RIMBP2: variants seen among roughly 807,000 people sequenced by gnomAD.
RIMBP2 encodes the protein RIMS binding protein 2.
A neutral mutation model predicts 118.6 loss-of-function variants in RIMBP2; 48 were observed. That is an observed-to-expected ratio of 0.40 (90% CI 0.32 to 0.51). RIMBP2 has a LOEUF of 0.51. RIMBP2 is among the 20% of genes least tolerant of loss of function. The probability of loss-of-function intolerance (pLI) is 0.41; values close to 1 mark genes in which losing one functional copy is unlikely to be tolerated. For missense variants in RIMBP2, 1,551 were observed against 1,768.3 expected, an observed-to-expected ratio of 0.88 and a Z score of 2.20; for synonymous variants, 762 against 742.9, an observed-to-expected ratio of 1.03 and a Z score of -0.42.
At chr12:130,643,413 C>T (rs2141039024) in intron 1 of RIMBP2, among the ~76,000 whole-genome samples, 1 of 152,264 alleles carries the variant, frequency 6.6e-6, no homozygotes, top group South Asian at 2.1e-4. Context: ...AGGACCAGGA[C>T]CATGGAAGCA....
intron 2 of RIMBP2, among the ~76,000 whole-genome samples, chr12:130,568,224 G>C (rs1209787564): frequency 6.6e-6 from 1 of 152,210 alleles, no homozygotes; most frequent in South Asian, 2.1e-4. Flanking sequence ...AACCAACCTT[G>C]CAAGAGGGGA....
In RIMBP2 at chr12:130,523,938, C is replaced by G. The variant is rs141122771; in HGVS notation, c.-216-6021G>C. Among the ~76,000 whole-genome samples, 1 of 152,170 alleles carries G rather than the reference C, an allele frequency of 6.6e-6. No homozygotes were observed. The highest frequency in any genetic ancestry group is 2.1e-4 in the South Asian group (1 of 4,824). On this transcript the variant is annotated intron_variant, in intron 2 of 22. Coordinates refer to ENST00000690449, the MANE Select transcript of RIMBP2 (RefSeq NM_001393629.1). The surrounding 1 kb of genome is among the most constrained non-coding windows in gnomAD (Gnocchi z 4.4). Reference sequence around the variant, plus strand: ...AATACATAACAAAGGCATGTAAGGGCACAGCAAGGTCTCTGGCTCTCAGGA... The same window carrying G: ...AATACATAACAAAGGCATGTAAGGGGACAGCAAGGTCTCTGGCTCTCAGGA...
chr12:130,438,214 T>A (rs774814636), intron 12 of RIMBP2, 151 bp downstream of exon 12: 91 of 777,044 alleles, frequency 1.2e-4, no homozygotes, highest in Non-Finnish European at 1.5e-4. Context: ...GGTCCTGGGG[T>A]TCACGCTGAT....
chr12:130,661,458 A>T (rs866672792), intron 1 of RIMBP2, among the ~76,000 whole-genome samples: 3 of 149,592 alleles, frequency 2.0e-5, no homozygotes, highest in African/African-American at 7.4e-5. Flanking sequence ...AGAAGTGCAG[A>T]GAGACCAAGA....
intron 3 of RIMBP2, among the ~76,000 whole-genome samples, chr12:130,510,157 C>T (rs137863736): frequency 4.5e-4 from 68 of 152,322 alleles, no homozygotes; most frequent in Non-Finnish European, 7.9e-4. Flanking sequence ...CACCGGGCAC[C>T]GGAACGCATT....
At chr12:130,509,563 C>A (rs1466354867) in intron 3 of RIMBP2, among the ~76,000 whole-genome samples, 1 of 152,240 alleles carries the variant, frequency 6.6e-6, no homozygotes, top group Non-Finnish European at 1.5e-5. Context: ...TGCGAGTCCT[C>A]CCACTGGGTG....
intron 16 of RIMBP2, among the ~76,000 whole-genome samples, chr12:130,423,094 A>G (rs1282282183): frequency 6.6e-6 from 1 of 152,244 alleles, no homozygotes; most frequent in Non-Finnish European, 1.5e-5. Context: ...AATGCTGGTA[A>G]CATTCTAGGA....
chr12:130,662,241 C>T (rs531611510), intron 1 of RIMBP2, among the ~76,000 whole-genome samples: 8 of 152,290 alleles, frequency 5.3e-5, no homozygotes, highest in South Asian at 2.1e-4. Context: ...GGGCAATTCT[C>T]GCCAATGTGA....
At chr12:130,645,428 A>C (rs2062819785) in intron 1 of RIMBP2, among the ~76,000 whole-genome samples, 1 of 152,238 alleles carries the variant, frequency 6.6e-6, no homozygotes, top group Non-Finnish European at 1.5e-5. Context: ...TACTCCCTCC[A>C]GGCCCCTGAA....
chr12:130,641,541 C>A (rs192687834), intron 1 of RIMBP2, among the ~76,000 whole-genome samples: 1 of 152,106 alleles, frequency 6.6e-6, no homozygotes, highest in African/African-American at 2.4e-5. Flanking sequence ...GTGACTGCAG[C>A]GCTTTGCCTT....
chr12:130,590,621 A>G (rs10848155), intron 2 of RIMBP2, among the ~76,000 whole-genome samples: 66,225 of 152,100 alleles, frequency 0.44, 16,027 homozygotes, highest in Admixed American at 0.58. Flanking sequence ...GAGGGTTTAC[A>G]TCTGCACTAG....
intron 14 of RIMBP2, chr12:130,432,093 C>T: frequency 5.2e-6 from 2 of 382,586 alleles, no homozygotes; most frequent in South Asian, 2.0e-5. Context: ...GGGTATGGGT[C>T]CTTCACCCAG....
chr12:130,649,058 G>A (rs2063111244), intron 1 of RIMBP2, among the ~76,000 whole-genome samples: 1 of 145,978 alleles, frequency 6.9e-6, no homozygotes, highest in Non-Finnish European at 1.6e-5. Context: ...TGACTCAGAG[G>A]CACGGGAGCA....
rs1294723104 is a variant in RIMBP2 at position 130,578,592 on chromosome 12, C to T, written c.-217+49730G>A. Among the ~76,000 whole-genome samples the T allele has an allele frequency of 6.6e-6, 1 of 152,212 alleles. No individual in the cohort carries two copies. Among genetic ancestry groups the T allele is most frequent in the Non-Finnish European group, 1.5e-5 (1 of 68,026 alleles). ...AGCCTTGGGGCCTGTGCACTGTGGGCCCCTCTGCCTGAACAGGCTTCCCTT... is the reference window on the plus strand; with the variant it reads ...AGCCTTGGGGCCTGTGCACTGTGGGTCCCTCTGCCTGAACAGGCTTCCCTT... On this transcript the variant is annotated intron_variant, in intron 2 of 22. Transcript: ENST00000690449. This position sits in a 1 kb window ranked among gnomAD's most constrained non-coding sequence, Gnocchi z 4.1.
intron 20 of RIMBP2, 82 bp downstream of exon 20, chr12:130,407,644 C>T: frequency 9.4e-7 from 1 of 1,058,938 alleles, no homozygotes; most frequent in Admixed American, 1.7e-5. Flanking sequence ...GAGGTGAACA[C>T]ACGTGGCCTC....
chr12:130,639,961 C>A (rs1020909284), intron 1 of RIMBP2, among the ~76,000 whole-genome samples: 16 of 152,266 alleles, frequency 1.1e-4, no homozygotes, highest in African/African-American at 3.6e-4. Context: ...TATGAGGGAG[C>A]CCTCAACTTC....
chr12:130,659,408 A>G (rs903539548), intron 1 of RIMBP2, among the ~76,000 whole-genome samples: 2 of 151,806 alleles, frequency 1.3e-5, no homozygotes, highest in Admixed American at 1.3e-4. Context: ...CATCTCTACT[A>G]AAAATACAAA....
At chr12:130,418,399 C>T (rs1306647852) in intron 17 of RIMBP2, among the ~76,000 whole-genome samples, 2 of 152,228 alleles carry the variant, frequency 1.3e-5, no homozygotes, top group East Asian at 1.9e-4. Flanking sequence ...GCCTCTACAA[C>T]AGGCACAGCT....
intron 4 of RIMBP2, among the ~76,000 whole-genome samples, chr12:130,492,566 G>C (rs569468536): frequency 3.9e-5 from 6 of 152,304 alleles, no homozygotes; most frequent in Admixed American, 3.3e-4. Context: ...ATTCATCCAT[G>C]CTGCTTTGGG....
Sources: allele counts gnomAD v4.1 joint callset (sites outside exome capture counted in the v4.1 genomes callset), GRCh38; gene constraint gnomAD v4.1.1; non-coding constraint Gnocchi (gnomAD v3.1); transcripts MANE v1.5; gene names NCBI Gene and HGNC (gene_info 2026-07-23, HGNC 2026-07-21).